LIG1: variants seen among roughly 807,000 people sequenced by gnomAD.
LIG1 encodes the protein DNA ligase 1.
Under a neutral mutation model 115.7 loss-of-function variants are expected in LIG1, and 70 were observed. That is an observed-to-expected ratio of 0.60 (90% confidence interval 0.50 to 0.74). The LOEUF (loss-of-function observed/expected upper bound fraction) is 0.74, where lower values mean the gene tolerates loss of function less well. Ranked by LOEUF, LIG1 falls within the 30% of genes least tolerant of loss-of-function variation. The pLI, the probability that LIG1 is intolerant of heterozygous loss-of-function variation, is 0.00. For missense variants in LIG1, 1,115 were observed against 1,225.6 expected (o/e 0.91, Z 1.35); for synonymous variants, 487 against 495.3 (o/e 0.98, Z 0.22).
At chr19:48,143,985 T>G in intron 9 of LIG1, 22 bp from the exon 10 acceptor site, 1 of 1,575,252 alleles carries the variant, frequency 6.3e-7, no homozygotes. Context: ...AAACGGAGAT[T>G]GAATTGCATA....
chr19:48,140,171 C>T (rs375823764), intron 11 of LIG1, 28 bp from the exon 12 acceptor site: 5 of 1,489,900 alleles, frequency 3.4e-6, no homozygotes, highest in South Asian at 1.1e-5. Context: ...GGTATGAACA[C>T]GTGGTTCCTC....
At chr19:48,127,467 T>A in intron 20 of LIG1, 119 bp from the exon 21 acceptor site, 1 of 922,328 alleles carries the variant, frequency 1.1e-6, no homozygotes, top group Non-Finnish European at 1.8e-6. Flanking sequence ...GCTGCCCATC[T>A]GTGAGGGCGG....
At chr19:48,135,186 G>A (rs1251280828) in intron 16 of LIG1, among the ~76,000 whole-genome samples, 1 of 152,210 alleles carries the variant, frequency 6.6e-6, no homozygotes, top group Admixed American at 6.5e-5. Context: ...CTGTTGCCCA[G>A]GCTGGAACGC....
At chr19:48,127,414 G>C in intron 20 of LIG1, 66 bp from the exon 21 acceptor site, 1 of 1,409,510 alleles carries the variant, frequency 7.1e-7, no homozygotes, top group East Asian at 2.3e-5. Context: ...GCCTGAGGCC[G>C]ACAGCATTCA....
chr19:48,123,555 C>T (rs1240356539), intron 21 of LIG1: 13 of 575,966 alleles, frequency 2.3e-5, no homozygotes, highest in South Asian at 8.2e-5. Context: ...GAGCATCAGA[C>T]GGGGGGCTGC....
chr19:48,121,360 G>A (rs377607663), intron 23 of LIG1, 38 bp from the exon 24 acceptor site: 38 of 1,549,818 alleles, frequency 2.5e-5, no homozygotes, highest in Middle Eastern at 1.7e-4. Flanking sequence ...AAGGGGGAGC[G>A]CCCAAGGCGG....
chr19:48,137,406 A>T lies in LIG1; in HGVS notation c.1254+116T>A. ...AGGAGGAGAGGAAGCTGTGCACCCC[A>T]TGAGAAGGACTGATGCGACCCAGCT... is the stretch of plus-strand genomic sequence containing the variant. On this transcript the variant is annotated intron_variant, in intron 13 of 27. Coordinates refer to ENST00000263274, the MANE Select transcript of LIG1 (RefSeq NM_000234.3). This position sits in a 1 kb window ranked among gnomAD's most constrained non-coding sequence, Gnocchi z 4.3. 7.5e-7 allele frequency: 1 copy of T among 1,329,166 alleles called. No homozygotes were observed. The highest frequency in any genetic ancestry group is 1.0e-6 in the Non-Finnish European group (1 of 958,534). The allele number at this position is 1,329,166 out of a possible 1,614,324, so 82.3% of individuals were successfully genotyped here.
Position 48,128,106 on chromosome 19 carries a change from C to T in LIG1, c.1822-86G>A. The T allele has an allele frequency of 2.9e-6, 3 of 1,037,422 alleles. 1 individual carries two copies. The South Asian group carries it at 3.8e-5, about 13-fold the overall frequency. 64.3% of individuals were successfully genotyped at this position (1,037,422 alleles called of 1,614,324 possible). On this transcript the variant is annotated intron_variant, in intron 19 of 27. Coordinates refer to ENST00000263274, the MANE Select transcript of LIG1 (RefSeq NM_000234.3). ...AACACGGGGAGATAAATTCCCTTTT[C>T]CTTCTGCAGCTCTCAAGATGCACTA... is the stretch of plus-strand genomic sequence containing the variant.
Position 48,117,598 on chromosome 19 carries a change from A to G in LIG1, c.2583+40T>C, listed in dbSNP as rs1003813646. On this transcript the variant is annotated intron_variant, in intron 26 of 27. Coordinates refer to ENST00000263274, the MANE Select transcript of LIG1 (RefSeq NM_000234.3). ...CTCTGCTCTCTGTGTGCCCGCCCAGAATCCCACACAGGGCCACGGCCAGGT... is the reference window on the plus strand; with the variant it reads ...CTCTGCTCTCTGTGTGCCCGCCCAGGATCCCACACAGGGCCACGGCCAGGT... The G allele has an allele frequency of 5.6e-6, 9 of 1,606,596 alleles. No homozygotes were observed. In the Admixed American group the frequency reaches 6.7e-5, roughly 12 times the overall value.
At chr19:48,120,369 G>C (rs1329812797) in intron 24 of LIG1, 5 of 985,150 alleles carry the variant, frequency 5.1e-6, no homozygotes, top group Non-Finnish European at 6.0e-6. Flanking sequence ...ATTACTCATA[G>C]AGAAGGATCA....
At chr19:48,148,960 A>G (rs1389920598) in intron 9 of LIG1, among the ~76,000 whole-genome samples, 1 of 152,252 alleles carries the variant, frequency 6.6e-6, no homozygotes, top group African/African-American at 2.4e-5. Flanking sequence ...AGGGGTGTTC[A>G]GTGAATTTTA....
rs150461350 is a variant in LIG1, at chr19:48,149,837, G to A, written c.702C>T (p.Pro234=). The change falls in exon 9 of 28, where the codon CCC becomes CCT. Residue 234 remains proline, a synonymous_variant. Coordinates refer to ENST00000263274, the MANE Select transcript of LIG1 (RefSeq NM_000234.3). ...CTTCTTTTTTGACTGCTGGCTTCCGGGGGGCTAGGAATGAAGACAGAAAAC... is the reference window on the plus strand; with the variant it reads ...CTTCTTTTTTGACTGCTGGCTTCCGAGGGGCTAGGAATGAAGACAGAAAAC... ...APKTLSSFFT[P]RKPAVKKEVK... The A allele has an allele frequency of 1.2e-6, 2 of 1,613,830 alleles. No individual in the cohort carries two copies. Among genetic ancestry groups the A allele is most frequent in the South Asian group, 1.1e-5 (1 of 91,026 alleles).
At position 48,143,877 on chromosome 19, in the gene LIG1, C is replaced by CCG; in HGVS notation, c.857+5_857+6insCG. On this transcript the variant is annotated splice_donor_region_variant and intron_variant, in intron 10 of 27. Transcript: ENST00000263274. ...GGGGGACAGTCTGAAAAGGGAGAAA[C>CCG]CTCACTTCTGGCCCGGTTTCCAGCA... 1 of 1,563,710 alleles carries CCG rather than the reference C, an allele frequency of 6.4e-7. No homozygotes were observed. The highest frequency in any genetic ancestry group is 8.8e-7 in the Non-Finnish European group (1 of 1,134,396).
At chr19:48,159,265 T>G (rs962112278) in intron 4 of LIG1, among the ~76,000 whole-genome samples, 1 of 152,006 alleles carries the variant, frequency 6.6e-6, no homozygotes, top group Non-Finnish European at 1.5e-5. Flanking sequence ...AGAGATGAGG[T>G]TTCACTATGT....
In LIG1 at chr19:48,143,529, T is replaced by G. The variant is rs2122726450; in HGVS notation, c.914+14A>C. ...GCGACCCCGCCCCCCACCCAGGCAG[T>G]CCTCATTAGTTACCGAGCAGACACC... On this transcript the variant is annotated intron_variant, in intron 11 of 27. Coordinates refer to ENST00000263274, the MANE Select transcript of LIG1 (RefSeq NM_000234.3). The G allele has an allele frequency of 1.5e-6, 1 of 674,482 alleles. No individual in the cohort carries two copies. The highest frequency in any genetic ancestry group is 2.5e-6 in the Non-Finnish European group (1 of 405,710). 41.8% of individuals were successfully genotyped at this position (674,482 alleles called of 1,614,324 possible).
At chr19:48,162,196 C>G (rs1394259062) in intron 3 of LIG1, 66 bp downstream of exon 3, 1 of 1,462,606 alleles carries the variant, frequency 6.8e-7, no homozygotes, top group Non-Finnish European at 9.6e-7. Flanking sequence ...GGTTTGAACA[C>G]TTGCAACCAA....
At chr19:48,163,166 C>T (rs1905992936) in intron 2 of LIG1, among the ~76,000 whole-genome samples, 1 of 151,718 alleles carries the variant, frequency 6.6e-6, no homozygotes, top group African/African-American at 2.4e-5. Flanking sequence ...GATCCACCCA[C>T]CCTGGCCTCC....
rs2036438096 is a variant in LIG1 at position 48,165,639 on chromosome 19, A to G, written c.-57-16T>C. On this transcript the variant is annotated splice_polypyrimidine_tract_variant and intron_variant, in intron 1 of 27. Transcript: ENST00000263274. Reference sequence around the variant, plus strand: ...TCAGCTGCTCCTGGAACAGAAATCCAAACACTTGTTGAGGTGATTGGTTGT... The same window carrying G: ...TCAGCTGCTCCTGGAACAGAAATCCGAACACTTGTTGAGGTGATTGGTTGT... The G allele has an allele frequency of 6.2e-7, 1 of 1,607,734 alleles. No individual in the cohort carries two copies. The highest frequency in any genetic ancestry group is 1.7e-4 in the Middle Eastern group (1 of 6,050).
intron 17 of LIG1, chr19:48,133,574 T>A: frequency 3.1e-6 from 1 of 318,174 alleles, no homozygotes; most frequent in East Asian, 8.0e-5. Flanking sequence ...AGAAATTCTA[T>A]CTGGCCTGAC....
Sources: allele counts gnomAD v4.1 joint callset (sites outside exome capture counted in the v4.1 genomes callset), GRCh38; gene constraint gnomAD v4.1.1; non-coding constraint Gnocchi (gnomAD v3.1); transcripts MANE v1.5; gene names NCBI Gene and HGNC (gene_info 2026-07-23, HGNC 2026-07-21).